Variants in MAF observed in about 807,000 individuals in gnomAD.
MAF encodes the protein transcription factor Maf.
Under a neutral mutation model 22.0 loss-of-function variants are expected in MAF, and 10 were observed. That is an observed-to-expected ratio of 0.45 (90% CI 0.28 to 0.77). MAF has a LOEUF of 0.77. MAF is among the 30% of genes least tolerant of loss of function. MAF has a pLI of 0.12. For synonymous variants in MAF, 337 were observed against 255.8 expected, an observed-to-expected ratio of 1.32 and a Z score of -3.03; for missense variants, 544 against 548.4, an observed-to-expected ratio of 0.99 and a Z score of 0.08.
chr16:79,544,571 G>A, the MAF span, among the ~76,000 whole-genome samples: 7 of 152,154 alleles, frequency 4.6e-5, no homozygotes, highest in East Asian at 3.9e-4. Flanking sequence ...TCAGGAGATC[G>A]AGACCATCGT....
chr16:79,326,668 A>C, the MAF span, among the ~76,000 whole-genome samples: 1 of 152,220 alleles, frequency 6.6e-6, no homozygotes, highest in South Asian at 2.1e-4. Flanking sequence ...TTAACTCTGC[A>C]GTTCCAGCAG....
the MAF span, among the ~76,000 whole-genome samples, chr16:79,333,923 G>A: frequency 6.6e-6 from 1 of 151,892 alleles, no homozygotes; most frequent in Admixed American, 6.6e-5. Flanking sequence ...ATGCCGGATC[G>A]CAGCATCTCA....
chr16:79,227,521 A>G, the MAF span, among the ~76,000 whole-genome samples: 1 of 151,984 alleles, frequency 6.6e-6, no homozygotes, highest in Non-Finnish European at 1.5e-5. Context: ...ACGGTACTGT[A>G]ATTGTTTAGC....
the MAF span, among the ~76,000 whole-genome samples, chr16:79,555,039 G>A: frequency 8.5e-5 from 13 of 152,298 alleles, no homozygotes; most frequent in South Asian, 2.7e-3. Context: ...GAGGAGATGG[G>A]ATGGAAGGGA....
chr16:79,423,757 A>G, the MAF span, among the ~76,000 whole-genome samples: 2 of 152,198 alleles, frequency 1.3e-5, no homozygotes, highest in African/African-American at 4.8e-5. Flanking sequence ...GCTCCTGGGA[A>G]CCAGCAACTT....
At chr16:79,556,317 T>C in the MAF span, among the ~76,000 whole-genome samples, 1 of 152,204 alleles carries the variant, frequency 6.6e-6, no homozygotes, top group African/African-American at 2.4e-5. Context: ...ACCCAGTAGA[T>C]TCCTACCCAG....
At chr16:79,302,459 C>A in the MAF span, among the ~76,000 whole-genome samples, 1 of 152,216 alleles carries the variant, frequency 6.6e-6, no homozygotes, top group Non-Finnish European at 1.5e-5. Context: ...CAGATCAACC[C>A]ACATGGCTGA....
the MAF span, among the ~76,000 whole-genome samples, chr16:79,557,389 G>T: frequency 6.6e-6 from 1 of 152,006 alleles, no homozygotes; most frequent in Non-Finnish European, 1.5e-5. Flanking sequence ...ACTTTCAGGT[G>T]TAGAGGGGAA....
the MAF span, among the ~76,000 whole-genome samples, chr16:79,245,260 T>A: frequency 5.9e-5 from 9 of 151,912 alleles, no homozygotes; most frequent in Non-Finnish European, 1.2e-4. Flanking sequence ...CAAAAGAAAC[T>A]ATCGTTGGAG....
the MAF span, among the ~76,000 whole-genome samples, chr16:79,277,828 G>A: frequency 1.7e-4 from 26 of 152,300 alleles, no homozygotes; most frequent in African/African-American, 6.3e-4. Flanking sequence ...GTGAGGAGAA[G>A]CATCTCACAA....
the MAF span, among the ~76,000 whole-genome samples, chr16:79,401,709 G>C: frequency 6.6e-6 from 1 of 152,288 alleles, no homozygotes; most frequent in East Asian, 1.9e-4. Context: ...TTCGGGCCGT[G>C]TGGTACGCAG....
the MAF span, among the ~76,000 whole-genome samples, chr16:79,363,328 G>C: frequency 1.4e-3 from 208 of 152,284 alleles, 1 homozygote; most frequent in Non-Finnish European, 2.6e-3. Context: ...TGAATATATA[G>C]TGAGTCACAA....
the MAF span, among the ~76,000 whole-genome samples, chr16:79,526,589 T>C: frequency 6.6e-6 from 1 of 152,204 alleles, no homozygotes; most frequent in African/African-American, 2.4e-5. Context: ...TATCAGGAGA[T>C]AGGTCTTACA....
At chr16:79,283,967 CAAA>C in the MAF span, among the ~76,000 whole-genome samples, 4 of 115,578 alleles carry the variant, frequency 3.5e-5, no homozygotes, top group Non-Finnish European at 6.8e-5. Context: ...ACCTCCTCCT[CAAA>C]AAAAAAAAAA....
the MAF span, among the ~76,000 whole-genome samples, chr16:79,364,334 C>A: frequency 2.0e-5 from 3 of 152,128 alleles, no homozygotes; most frequent in Non-Finnish European, 4.4e-5. Context: ...AAAGTAGCAG[C>A]TCCTAGATGG....
the MAF span, among the ~76,000 whole-genome samples, chr16:79,240,853 G>T: frequency 6.6e-6 from 1 of 151,966 alleles, no homozygotes; most frequent in African/African-American, 2.4e-5. Context: ...GAAGAAACAG[G>T]CAGCCATCTT....
At chr16:79,216,392 C>G in the MAF span, among the ~76,000 whole-genome samples, 2 of 152,214 alleles carry the variant, frequency 1.3e-5, no homozygotes, top group Admixed American at 6.5e-5. Flanking sequence ...CAGATGATCC[C>G]TAACTCATGA....
At chr16:79,322,858 T>A in the MAF span, among the ~76,000 whole-genome samples, 1 of 151,832 alleles carries the variant, frequency 6.6e-6, no homozygotes, top group African/African-American at 2.4e-5. Context: ...TTTCCTTCAA[T>A]AGGCAATTGG....
chr16:79,478,298 G>C, the MAF span, among the ~76,000 whole-genome samples: 2 of 152,186 alleles, frequency 1.3e-5, no homozygotes, highest in Non-Finnish European at 2.9e-5. Context: ...GGGCTACAAA[G>C]AAAGTTTCCT....
Sources: gnomAD v4.1 joint callset for allele counts (sites outside exome capture counted in the v4.1 genomes callset) on GRCh38, gnomAD v4.1.1 for gene constraint, MANE v1.5 for transcripts, NCBI Gene and HGNC (gene_info 2026-07-23, HGNC 2026-07-21) for gene names.